GPC6: variants seen among roughly 807,000 people sequenced by gnomAD.
The protein encoded by GPC6 is glypican 6.
A neutral mutation model predicts 55.2 loss-of-function variants in GPC6; 14 were observed. The ratio of observed to expected loss-of-function variants is 0.25; its 90% CI spans 0.17 to 0.40. The LOEUF (loss-of-function observed/expected upper bound fraction) is 0.40. Among genes scored for constraint, GPC6 ranks in the 10% least tolerant of loss-of-function variants. The probability of loss-of-function intolerance (pLI) is 1.00; values close to 1 mark genes in which losing one functional copy is unlikely to be tolerated. For missense variants in GPC6, 641 were observed against 708.5 expected (o/e 0.90, Z 1.08); for synonymous variants, 278 against 259.6 (o/e 1.07, Z -0.68).
rs566368717 is a variant in GPC6, at chr13:94,316,695, C to T, written c.1152+10572C>T. ...TCCCGCCACTGCACTCCAGCCTGGG[C>T]GACAGAGCGAGACTCCGTCTCAAAA... On this transcript the variant is annotated intron_variant, in intron 6 of 8. Transcript: ENST00000377047. Among the ~76,000 whole-genome samples the T allele has an allele frequency of 1.3e-4, 18 of 136,302 alleles. No homozygotes were observed. In the South Asian group the frequency reaches 2.3e-3, roughly 18 times the overall value. The allele number at this position is 136,302 out of a possible 152,430, so 89.4% of individuals were successfully genotyped here. A position where few individuals can be genotyped will look rare whatever the true frequency, so the allele number is the denominator to read the frequency against.
At chr13:93,460,445 T>A (rs1464342127) in intron 1 of GPC6, among the ~76,000 whole-genome samples, 1 of 152,202 alleles carries the variant, frequency 6.6e-6, no homozygotes, top group Non-Finnish European at 1.5e-5. Flanking sequence ...AGGTTAAGAA[T>A]TCCACAAACA....
chr13:93,952,815 A>ACACACATATATATACGTATATAT (rs986764546), intron 3 of GPC6, among the ~76,000 whole-genome samples: 3 of 148,752 alleles, frequency 2.0e-5, no homozygotes, highest in Admixed American at 6.8e-5. Flanking sequence ...GTATACACAC[A>ACACACATATATATACGTATATAT]CACACATATA....
intron 2 of GPC6, among the ~76,000 whole-genome samples, chr13:93,657,331 A>G (rs1196165842): frequency 6.6e-6 from 1 of 152,156 alleles, no homozygotes; most frequent in East Asian, 1.9e-4. Context: ...AACAAAGTTA[A>G]CAAAACCAAG....
At chr13:93,257,117 C>A (rs1448017808) in intron 1 of GPC6, among the ~76,000 whole-genome samples, 4 of 151,246 alleles carry the variant, frequency 2.6e-5, no homozygotes, top group African/African-American at 9.7e-5. Context: ...CCAACCTGGG[C>A]AACATAGTGA....
chr13:94,351,730 C>G (rs914851067), intron 6 of GPC6, among the ~76,000 whole-genome samples: 1 of 151,816 alleles, frequency 6.6e-6, no homozygotes, highest in African/African-American at 2.4e-5. Context: ...CCTTCTGTCT[C>G]GGATTTAAAC....
At chr13:94,234,028 A>C (rs1194547302) in intron 4 of GPC6, among the ~76,000 whole-genome samples, 2 of 152,102 alleles carry the variant, frequency 1.3e-5, no homozygotes, top group African/African-American at 4.8e-5. Flanking sequence ...AGTATGAGAA[A>C]TAGTCAGGGC....
At chr13:93,356,483 G>T (rs1050397624) in intron 1 of GPC6, among the ~76,000 whole-genome samples, 10 of 152,190 alleles carry the variant, frequency 6.6e-5, no homozygotes, top group African/African-American at 1.4e-4. Context: ...CAAGGGCAAG[G>T]TTCCTCATTT....
At chr13:94,156,794 G>C (rs1010134214) in intron 4 of GPC6, among the ~76,000 whole-genome samples, 26 of 152,140 alleles carry the variant, frequency 1.7e-4, no homozygotes, top group Non-Finnish European at 4.4e-5. Flanking sequence ...AATATACATA[G>C]TTCTCATTTA....
chr13:93,834,229 C>T, intron 3 of GPC6, among the ~76,000 whole-genome samples: 1 of 152,106 alleles, frequency 6.6e-6, no homozygotes, highest in Middle Eastern at 3.2e-3. Context: ...GTAGAAACGT[C>T]ACAAATGGCC....
At chr13:93,569,563 C>T (rs1297520192) in intron 2 of GPC6, among the ~76,000 whole-genome samples, 4 of 150,660 alleles carry the variant, frequency 2.7e-5, no homozygotes, top group South Asian at 2.1e-4. Context: ...CCACCAGGAG[C>T]GAATGAACAT....
intron 6 of GPC6, among the ~76,000 whole-genome samples, chr13:94,313,143 G>C (rs757537865): frequency 6.6e-6 from 1 of 152,102 alleles, no homozygotes; most frequent in Admixed American, 6.6e-5. Flanking sequence ...GCTCTTCTCC[G>C]GGCAACATCA....
chr13:93,927,600 A>G (rs1877926982), intron 3 of GPC6, among the ~76,000 whole-genome samples: 1 of 151,972 alleles, frequency 6.6e-6, no homozygotes. Flanking sequence ...AAAATTATTC[A>G]TCAAGATGAG....
chr13:93,620,392 T>G (rs1028385753), intron 2 of GPC6, among the ~76,000 whole-genome samples: 1 of 152,216 alleles, frequency 6.6e-6, no homozygotes, highest in Non-Finnish European at 1.5e-5. Flanking sequence ...CTGACATAAT[T>G]TACTATGTTA....
chr13:93,907,054 G>T (rs528099053), intron 3 of GPC6, among the ~76,000 whole-genome samples: 2 of 152,198 alleles, frequency 1.3e-5, no homozygotes, highest in South Asian at 4.1e-4. Flanking sequence ...ACTAGAGATA[G>T]GAGAAACTTA....
At chr13:93,463,137 T>C (rs1413743977) in intron 1 of GPC6, among the ~76,000 whole-genome samples, 1 of 152,220 alleles carries the variant, frequency 6.6e-6, no homozygotes, top group Non-Finnish European at 1.5e-5. Context: ...AGCCATCTCA[T>C]TTGGGGCAAC....
intron 4 of GPC6, among the ~76,000 whole-genome samples, chr13:94,267,195 A>G (rs1036161169): frequency 1.8e-4 from 28 of 152,080 alleles, no homozygotes; most frequent in African/African-American, 6.8e-4. Context: ...AATGGGGAAG[A>G]GACTGGTTGT....
intron 2 of GPC6, among the ~76,000 whole-genome samples, chr13:93,628,387 A>G (rs1034856866): frequency 6.6e-6 from 1 of 152,170 alleles, no homozygotes; most frequent in African/African-American, 2.4e-5. Flanking sequence ...GCTGGCCCAT[A>G]TGTGCATTGC....
intron 4 of GPC6, among the ~76,000 whole-genome samples, chr13:94,131,332 AAAAT>A (rs1190453375): frequency 6.6e-6 from 1 of 152,178 alleles, no homozygotes; most frequent in Non-Finnish European, 1.5e-5. Context: ...TTCAAAAAAT[AAAAT>A]AAATATTTTC....
At chr13:93,693,632 C>A (rs1882343602) in intron 2 of GPC6, among the ~76,000 whole-genome samples, 1 of 152,036 alleles carries the variant, frequency 6.6e-6, no homozygotes, top group Non-Finnish European at 1.5e-5. Flanking sequence ...GCATGCACTA[C>A]TATGCCTGGC....
Sources: allele counts gnomAD v4.1 joint callset (sites outside exome capture counted in the v4.1 genomes callset), GRCh38; gene constraint gnomAD v4.1.1; transcripts MANE v1.5; gene names NCBI Gene and HGNC (gene_info 2026-07-23, HGNC 2026-07-21).